CKAP5: variants seen among roughly 807,000 people sequenced by gnomAD.
CKAP5 encodes cytoskeleton-associated protein 5.
Under a neutral mutation model 232.8 loss-of-function variants are expected in CKAP5, and 27 were observed. The ratio of observed to expected loss-of-function variants is 0.12; its 90% CI spans 0.09 to 0.16. The LOEUF (loss-of-function observed/expected upper bound fraction) is 0.16, where lower values mean the gene tolerates loss of function less well. Ranked by LOEUF, CKAP5 falls within the 10% of genes least tolerant of loss-of-function variation. The pLI is 1.00. For synonymous variants in CKAP5, 785 were observed against 841.1 expected, an observed-to-expected ratio of 0.93 and a Z score of 1.16; for missense variants, 1,838 against 2,424.7, an observed-to-expected ratio of 0.76 and a Z score of 5.08.
At chr11:46,746,070 G>A (rs1214481624) in intron 42 of CKAP5, among the ~76,000 whole-genome samples, 1 of 152,198 alleles carries the variant, frequency 6.6e-6, no homozygotes, top group Non-Finnish European at 1.5e-5. Context: ...CTTCAGCCCA[G>A]CAAGATACAG....
chr11:46,798,297 G>T, intron 9 of CKAP5, 125 bp from the exon 10 acceptor site: 2 of 716,474 alleles, frequency 2.8e-6, no homozygotes, highest in Non-Finnish European at 4.6e-6. Flanking sequence ...GTCACAGGCT[G>T]GGCACAGTGA....
At position 46,762,682 on chromosome 11, in the gene CKAP5, C is replaced by T; in HGVS notation, c.3972G>A (p.Lys1324=). ...TTCCTTCCATGATAAAGGGAAACAT[C>T]TTGCTAGCTGGGTAGACAAGGCACA... ...NRMCLVYPAS[K]MFPFIMEGTK... Residue 1324 remains lysine (K), a synonymous_variant, in exon 31 of 44, where the codon AAG becomes AAA. Coordinates refer to ENST00000529230, the MANE Select transcript of CKAP5 (RefSeq NM_001008938.4). 6.2e-7 allele frequency: 1 copy of T among 1,614,148 alleles called. No individual in the cohort carries two copies. The highest frequency in any genetic ancestry group is 8.5e-7 in the Non-Finnish European group (1 of 1,179,960).
chr11:46,760,311 A>G (rs1246878163), intron 33 of CKAP5: 3 of 496,212 alleles, frequency 6.0e-6, no homozygotes, highest in Admixed American at 2.7e-5. Context: ...TTAGAAAGAT[A>G]TAAGAGCCCT....
chr11:46,800,677 C>G (rs557724246), intron 9 of CKAP5, among the ~76,000 whole-genome samples: 2 of 152,016 alleles, frequency 1.3e-5, no homozygotes, highest in Non-Finnish European at 2.9e-5. Context: ...ATAAGTAAAA[C>G]GGAGATAACC....
intron 42 of CKAP5, among the ~76,000 whole-genome samples, chr11:46,749,945 G>A (rs1238944886): frequency 1.3e-4 from 19 of 147,184 alleles, no homozygotes; most frequent in African/African-American, 4.0e-4. Flanking sequence ...AAAAAAAAAA[G>A]AGGTCAGAGC....
At chr11:46,784,970 T>G (rs2065378181) in intron 16 of CKAP5, among the ~76,000 whole-genome samples, 1 of 152,216 alleles carries the variant, frequency 6.6e-6, no homozygotes, top group African/African-American at 2.4e-5. Flanking sequence ...TTTCCTCCTC[T>G]TATGATTATT....
chr11:46,798,273 TAAAA>T, intron 9 of CKAP5, 101 bp from the exon 10 acceptor site: 1 of 865,900 alleles, frequency 1.2e-6, no homozygotes, highest in East Asian at 2.5e-5. Context: ...TATGCTAAGT[TAAAA>T]AAAAAGCCAG....
Position 46,787,527 on chromosome 11 carries a change from C to T in CKAP5, c.1968+1154G>A, listed in dbSNP as rs552643448. 3.5e-3 allele frequency among the ~76,000 whole-genome samples: 534 copies of T among 152,172 alleles called. 1 individual carries two copies. Among genetic ancestry groups the T allele is most frequent in the Non-Finnish European group, 5.4e-3 (367 of 67,996 alleles). ...ATAACTTGGTACTGCTAAATTTCAG[C>T]TCTATTATCAGTTAATGGGGCTATA... On this transcript the variant is annotated intron_variant, in intron 16 of 43. Transcript: ENST00000529230.
At chr11:46,840,843 C>A (rs1156250886) in intron 1 of CKAP5, among the ~76,000 whole-genome samples, 1 of 152,110 alleles carries the variant, frequency 6.6e-6, no homozygotes, top group Non-Finnish European at 1.5e-5. Context: ...TTAGGAATGC[C>A]CATTTTTATA....
chr11:46,841,129 G>T (rs1002943238), intron 1 of CKAP5, among the ~76,000 whole-genome samples: 1 of 152,124 alleles, frequency 6.6e-6, no homozygotes, highest in African/African-American at 2.4e-5. Context: ...AATTAGATGG[G>T]TGTTGTGGTG....
chr11:46,765,969 C>T (rs2065199748), intron 27 of CKAP5, among the ~76,000 whole-genome samples: 1 of 152,144 alleles, frequency 6.6e-6, no homozygotes, highest in African/African-American at 2.4e-5. Context: ...AACAGTGTAA[C>T]TGAAGACCTT....
At chr11:46,754,306 G>C (rs2065094314) in intron 36 of CKAP5, among the ~76,000 whole-genome samples, 1 of 152,066 alleles carries the variant, frequency 6.6e-6, no homozygotes, top group African/African-American at 2.4e-5. Context: ...CAAAGTATTT[G>C]TTTTTACATG....
chr11:46,759,462 G>C lies in CKAP5; in HGVS notation c.4395-20C>G, dbSNP rs1390636836. 2 of 1,603,060 alleles carry C rather than the reference G, an allele frequency of 1.2e-6. No individual in the cohort carries two copies. The highest frequency in any genetic ancestry group is 1.7e-6 in the Non-Finnish European group (2 of 1,176,280). On this transcript the variant is annotated intron_variant, in intron 33 of 43. Coordinates refer to ENST00000529230, the MANE Select transcript of CKAP5 (RefSeq NM_001008938.4). ...GCTTGGCTAAGGGAAGCAAAAGGAGGCTCCTGAACTAAAAGAGACTTCTTA... is the reference window on the plus strand; with the variant it reads ...GCTTGGCTAAGGGAAGCAAAAGGAGCCTCCTGAACTAAAAGAGACTTCTTA...
At chr11:46,816,425 C>A (rs981115355) in intron 3 of CKAP5, 21 bp from the exon 4 acceptor site, 2 of 1,600,692 alleles carry the variant, frequency 1.2e-6, no homozygotes, top group South Asian at 2.2e-5. Flanking sequence ...TTATAAAGAA[C>A]AAAAATCCCA....
At chr11:46,763,664 G>A in intron 28 of CKAP5, 34 bp from the exon 29 acceptor site, 1 of 1,451,062 alleles carries the variant, frequency 6.9e-7, no homozygotes, top group African/African-American at 1.5e-5. Context: ...GGGGCTACAG[G>A]GTGTTCAACT....
chr11:46,793,250 C>T (rs780485382), intron 13 of CKAP5, among the ~76,000 whole-genome samples: 8 of 152,234 alleles, frequency 5.3e-5, no homozygotes, highest in Non-Finnish European at 1.2e-4. Context: ...GATTAAATGA[C>T]ATTATAAAGG....
intron 18 of CKAP5, among the ~76,000 whole-genome samples, chr11:46,782,600 C>T (rs569870827): frequency 1.3e-5 from 2 of 152,310 alleles, no homozygotes; most frequent in Admixed American, 1.3e-4. Context: ...CATAGTATAG[C>T]AGCTACATCA....
At chr11:46,800,065 T>A (rs1250893285) in intron 9 of CKAP5, among the ~76,000 whole-genome samples, 2 of 152,162 alleles carry the variant, frequency 1.3e-5, no homozygotes, top group Non-Finnish European at 2.9e-5. Context: ...AAATTGTTTT[T>A]TATCTTGAAA....
Position 46,743,569 on chromosome 11 carries a change from G to A in CKAP5, c.*454C>T. 6.1e-6 allele frequency: 1 copy of A among 163,532 alleles called. No individual in the cohort carries two copies. The highest frequency in any genetic ancestry group is 5.6e-5 in the Admixed American group (1 of 17,790). 10.1% of individuals were successfully genotyped at this position (163,532 alleles called of 1,614,324 possible). On this transcript the variant is annotated 3_prime_UTR_variant, in exon 44 of 44. Transcript: ENST00000529230. ...GTTAATGCAAACTTTATTTATAAAA[G>A]ACTCTTAAATTAGTTGTATCATGCC... is the stretch of plus-strand genomic sequence containing the variant.
Sources: gnomAD v4.1 joint callset for allele counts (sites outside exome capture counted in the v4.1 genomes callset) on GRCh38, gnomAD v4.1.1 for gene constraint, MANE v1.5 for transcripts, NCBI Gene and HGNC (gene_info 2026-07-23, HGNC 2026-07-21) for gene names.